The following BCL9 variants were observed in gnomAD, a reference collection of about 807,000 sequenced individuals.
The protein encoded by BCL9 is B-cell CLL/lymphoma 9 protein.
BCL9 carries 25 observed loss-of-function variants against 88.5 expected under a neutral mutation model. That is an observed-to-expected ratio of 0.28 (90% CI 0.21 to 0.39). BCL9 has a LOEUF of 0.39. BCL9 is among the 10% of genes least tolerant of loss of function. The pLI, the probability that BCL9 is intolerant of heterozygous loss-of-function variation, is 1.00. For missense variants in BCL9, 1,817 were observed against 1,877.8 expected (o/e 0.97, Z 0.60); for synonymous variants, 711 against 673.3 (o/e 1.06, Z -0.87).
At chr1:147,549,362 A>G (rs370282225) in intron 1 of BCL9, among the ~76,000 whole-genome samples, 13 of 152,072 alleles carry the variant, frequency 8.5e-5, no homozygotes, top group African/African-American at 3.1e-4. Flanking sequence ...ATTTCCTACA[A>G]CTTTATTTTT....
chr1:147,609,842 A>G (rs902144445), intron 3 of BCL9, among the ~76,000 whole-genome samples: 1 of 152,246 alleles, frequency 6.6e-6, no homozygotes, highest in Non-Finnish European at 1.5e-5. Context: ...TAGAAAAACA[A>G]AAGAACTTTA....
intron 1 of BCL9, among the ~76,000 whole-genome samples, chr1:147,602,061 C>T (rs1385638557): frequency 6.6e-6 from 1 of 151,838 alleles, no homozygotes; most frequent in African/African-American, 2.4e-5. Context: ...CCACCACGTC[C>T]AGCTAATTTA....
At chr1:147,598,851 C>A (rs1168745276) in intron 1 of BCL9, among the ~76,000 whole-genome samples, 3 of 152,192 alleles carry the variant, frequency 2.0e-5, no homozygotes, top group African/African-American at 7.2e-5. Flanking sequence ...TCTATAATAA[C>A]GGTTGTTCAC....
At chr1:147,598,479 T>C (rs888306834) in intron 1 of BCL9, among the ~76,000 whole-genome samples, 1 of 152,180 alleles carries the variant, frequency 6.6e-6, no homozygotes, top group Non-Finnish European at 1.5e-5. Flanking sequence ...AGATCGGCTT[T>C]ATCATTTAGG....
intron 9 of BCL9, among the ~76,000 whole-genome samples, chr1:147,623,319 CCT>C (rs1487867053): frequency 2.0e-5 from 3 of 152,206 alleles, no homozygotes; most frequent in African/African-American, 7.2e-5. Context: ...ATGTTACTTT[CCT>C]TTTCTATTAA....
intron 1 of BCL9, among the ~76,000 whole-genome samples, chr1:147,559,952 G>T (rs1432719685): frequency 6.6e-6 from 1 of 152,152 alleles, no homozygotes; most frequent in Non-Finnish European, 1.5e-5. Flanking sequence ...TAAAACCCTG[G>T]TTACATAAAC....
intron 9 of BCL9, among the ~76,000 whole-genome samples, chr1:147,622,968 C>CTT (rs202085114): frequency 9.3e-4 from 136 of 146,182 alleles, no homozygotes; most frequent in Middle Eastern, 3.4e-3. Flanking sequence ...CTAGACAAGC[C>CTT]TTTTTTTTTT....
intron 1 of BCL9, among the ~76,000 whole-genome samples, chr1:147,586,052 A>G (rs1656586740): frequency 6.6e-6 from 1 of 152,014 alleles, no homozygotes; most frequent in African/African-American, 2.4e-5. Context: ...AAAAATCATC[A>G]CTATTATTGG....
At chr1:147,558,041 A>C (rs1655199401) in intron 1 of BCL9, among the ~76,000 whole-genome samples, 1 of 152,214 alleles carries the variant, frequency 6.6e-6, no homozygotes, top group Non-Finnish European at 1.5e-5. Flanking sequence ...TACCCAGTCA[A>C]ACTGTATGTA....
At position 147,620,417 on chromosome 1, in the gene BCL9, C is replaced by T; in HGVS notation, c.2262C>T (p.Gly754=). ...PEEMLKLRPG[G]SDMLPAQQKM... is the part of the protein sequence containing the mutation. ...AGATGCTGAAATTACGCCCAGGTGG[C>T]TCAGACATGCTGCCTGCTCAGCAGA... Residue 754 remains glycine, a synonymous_variant, in exon 8 of 10, where the codon GGC becomes GGT. Transcript: ENST00000234739. The T allele has an allele frequency of 1.9e-6, 3 of 1,613,990 alleles. No individual in the cohort carries two copies. Among genetic ancestry groups the T allele is most frequent in the Non-Finnish European group, 2.5e-6 (3 of 1,179,974 alleles).
chr1:147,609,611 A>G (rs1196224483), intron 3 of BCL9, among the ~76,000 whole-genome samples: 4 of 152,268 alleles, frequency 2.6e-5, no homozygotes, highest in Non-Finnish European at 5.9e-5. Flanking sequence ...TACTTCGAAA[A>G]TAAAAGTGTT....
At chr1:147,611,964 A>T in intron 4 of BCL9, 75 bp downstream of exon 4, 1 of 1,429,102 alleles carries the variant, frequency 7.0e-7, no homozygotes, top group East Asian at 2.3e-5. Context: ...CTCATTGGTG[A>T]AACAGTATGT....
chr1:147,593,797 C>T (rs1460623547), intron 1 of BCL9, among the ~76,000 whole-genome samples: 5 of 152,054 alleles, frequency 3.3e-5, no homozygotes, highest in African/African-American at 1.2e-4. Context: ...ATAAATATTG[C>T]AATGAATAAG....
chr1:147,622,242 C>T (rs782681902), intron 8 of BCL9, 29 bp from the exon 9 acceptor site: 6 of 1,612,942 alleles, frequency 3.7e-6, no homozygotes, highest in Admixed American at 1.7e-5. Context: ...AATTCCCTGC[C>T]CGTTTTGTTT....
chr1:147,574,733 G>A (rs587689305), intron 1 of BCL9, among the ~76,000 whole-genome samples: 1 of 152,142 alleles, frequency 6.6e-6, no homozygotes, highest in Non-Finnish European at 1.5e-5. Flanking sequence ...GCCACAGCAC[G>A]CGATTTGTTT....
intron 2 of BCL9, among the ~76,000 whole-genome samples, chr1:147,606,006 T>C (rs1553201941): frequency 6.6e-6 from 1 of 152,240 alleles, no homozygotes; most frequent in Non-Finnish European, 1.5e-5. Flanking sequence ...GGCATGCTTC[T>C]CTAGGAATCC....
chr1:147,570,793 G>A (rs780550352), intron 1 of BCL9, among the ~76,000 whole-genome samples: 2 of 151,610 alleles, frequency 1.3e-5, no homozygotes, highest in Non-Finnish European at 1.5e-5. Flanking sequence ...GCGCCACCAC[G>A]CCTGGCTAAT....
chr1:147,603,131 A>T (rs1189236846), intron 1 of BCL9, among the ~76,000 whole-genome samples: 1 of 152,248 alleles, frequency 6.6e-6, no homozygotes, highest in Non-Finnish European at 1.5e-5. Context: ...AGTCTTACTA[A>T]CAGACCAAAT....
At chr1:147,616,779 A>AAG (rs1355286670) in intron 7 of BCL9, among the ~76,000 whole-genome samples, 2 of 151,704 alleles carry the variant, frequency 1.3e-5, no homozygotes, top group African/African-American at 4.8e-5. Context: ...TCTCAAAAAA[A>AAG]AAAAGCATAC....
Sources: gnomAD v4.1 joint callset for allele counts (sites outside exome capture counted in the v4.1 genomes callset) on GRCh38, gnomAD v4.1.1 for gene constraint, MANE v1.5 for transcripts, NCBI Gene and HGNC (gene_info 2026-07-23, HGNC 2026-07-21) for gene names.